Variants in STK3 observed in about 807,000 individuals in gnomAD.
STK3 encodes serine/threonine-protein kinase 3.
In STK3, 41 loss-of-function variants were observed where a neutral mutation model predicts 58.0. The ratio of observed to expected loss-of-function variants is 0.71; its 90% CI spans 0.55 to 0.92. The LOEUF (loss-of-function observed/expected upper bound fraction) is 0.92, where lower values mean the gene tolerates loss of function less well. Ranked by LOEUF, STK3 falls within the 40% of genes least tolerant of loss-of-function variation. The pLI is 0.00. For synonymous variants in STK3, 170 were observed against 191.0 expected, an observed-to-expected ratio of 0.89 and a Z score of 0.91; for missense variants, 479 against 602.7, an observed-to-expected ratio of 0.79 and a Z score of 2.15.
At chr8:98,713,057 G>A (rs1172804261) in intron 4 of STK3, among the ~76,000 whole-genome samples, 3 of 152,106 alleles carry the variant, frequency 2.0e-5, no homozygotes, top group African/African-American at 7.2e-5. Context: ...CGAAATGAAG[G>A]CAGAAATAAA....
intron 1 of STK3, among the ~76,000 whole-genome samples, chr8:98,442,510 T>C (rs995618017): frequency 2.0e-5 from 3 of 152,262 alleles, no homozygotes; most frequent in African/African-American, 7.2e-5. Flanking sequence ...TTTTACATTA[T>C]GGTTTTAGGG....
At chr8:98,682,499 T>C (rs1823710272) in intron 6 of STK3, among the ~76,000 whole-genome samples, 1 of 152,174 alleles carries the variant, frequency 6.6e-6, no homozygotes, top group African/African-American at 2.4e-5. Context: ...CGCTAATCAT[T>C]TATTTCTTAC....
At chr8:98,913,039 C>T (rs1839212253) in intron 1 of STK3, among the ~76,000 whole-genome samples, 1 of 151,854 alleles carries the variant, frequency 6.6e-6, no homozygotes, top group African/African-American at 2.4e-5. Flanking sequence ...TCCCAAATAT[C>T]TGGGATTACA....
At chr8:98,483,385 A>AT (rs916840644) in intron 10 of STK3, among the ~76,000 whole-genome samples, 1 of 152,194 alleles carries the variant, frequency 6.6e-6, no homozygotes, top group African/African-American at 2.4e-5. Context: ...GAGAAAATTG[A>AT]TTTTTTACAC....
chr8:98,791,685 T>A (rs777377463), intron 1 of STK3, among the ~76,000 whole-genome samples: 1 of 152,108 alleles, frequency 6.6e-6, no homozygotes, highest in Non-Finnish European at 1.5e-5. Flanking sequence ...CCAACTGATA[T>A]TCGACAAAGC....
intron 3 of STK3, among the ~76,000 whole-genome samples, chr8:98,764,030 T>A (rs1026952135): frequency 3.9e-5 from 6 of 152,226 alleles, no homozygotes; most frequent in South Asian, 2.1e-4. Context: ...TTTAACCAAC[T>A]AATTTTTTGA....
At chr8:98,715,928 T>G (rs1587402131) in intron 4 of STK3, among the ~76,000 whole-genome samples, 1 of 152,264 alleles carries the variant, frequency 6.6e-6, no homozygotes, top group Admixed American at 6.5e-5. Flanking sequence ...GTGGCGCATA[T>G]ACACCATGGA....
At chr8:98,871,962 T>C (rs1228483868) in intron 3 of STK3, among the ~76,000 whole-genome samples, 1 of 152,244 alleles carries the variant, frequency 6.6e-6, no homozygotes, top group African/African-American at 2.4e-5. Flanking sequence ...CCATTCAGTA[T>C]GATATTGGCT....
chr8:98,397,547 G>C (rs1817906951), downstream of STK3, among the ~76,000 whole-genome samples: 1 of 152,092 alleles, frequency 6.6e-6, no homozygotes, highest in Non-Finnish European at 1.5e-5. Flanking sequence ...AAAAAGACAA[G>C]AAAGAAAAGG....
At chr8:98,741,307 A>G (rs567154535) in intron 4 of STK3, among the ~76,000 whole-genome samples, 63 of 152,274 alleles carry the variant, frequency 4.1e-4, no homozygotes, top group African/African-American at 1.5e-3. Context: ...TTTCAGCACC[A>G]CACCACACCT....
chr8:98,597,459 C>T, intron 6 of STK3: 1 of 985,152 alleles, frequency 1.0e-6, no homozygotes, highest in Middle Eastern at 5.2e-4. Context: ...GCAGTGTAGC[C>T]AGTATTACAA....
intron 10 of STK3, among the ~76,000 whole-genome samples, chr8:98,490,277 T>C (rs969207473): frequency 3.3e-5 from 5 of 152,250 alleles, no homozygotes; most frequent in African/African-American, 9.6e-5. Flanking sequence ...ATAATGCTCA[T>C]AAGTGTTAGT....
Position 98,505,724 on chromosome 8 carries a change from G to C in STK3, c.1317+21018C>G, listed in dbSNP as rs1162337929. On this transcript the variant is annotated intron_variant, in intron 10 of 10. Coordinates refer to ENST00000419617, the MANE Select transcript of STK3 (RefSeq NM_006281.4). ...GTTTGCCTGGGTATCACCAGTGGAG[G>C]CTGCAGAACAGCAAATATTGCTGCC... 2.6e-5 allele frequency among the ~76,000 whole-genome samples: 4 copies of C among 152,134 alleles called. No individual in the cohort carries two copies. In the East Asian group the frequency reaches 7.7e-4, roughly 29 times the overall value.
At chr8:98,566,188 T>A (rs900306037) in intron 8 of STK3, among the ~76,000 whole-genome samples, 32 of 152,154 alleles carry the variant, frequency 2.1e-4, no homozygotes, top group African/African-American at 6.8e-4. Flanking sequence ...ATACTTTTCT[T>A]GAATAAAAAA....
intron 1 of STK3, among the ~76,000 whole-genome samples, chr8:98,797,422 A>T (rs1171551479): frequency 6.6e-6 from 1 of 152,180 alleles, no homozygotes; most frequent in Admixed American, 6.5e-5. Flanking sequence ...TTTTAAACTC[A>T]ATCCTCCCCA....
intron 2 of STK3, among the ~76,000 whole-genome samples, chr8:98,372,507 T>C (rs934153420): frequency 1.3e-5 from 2 of 149,754 alleles, no homozygotes; most frequent in African/African-American, 2.5e-5. Context: ...TTATTTTTCC[T>C]AGGCTTTTCT....
chr8:98,598,012 C>T, intron 6 of STK3: 6 of 985,364 alleles, frequency 6.1e-6, no homozygotes, highest in Non-Finnish European at 7.2e-6. Flanking sequence ...CCACCTGCTA[C>T]TTCCAACTAG....
At chr8:98,660,111 T>C (rs1438089012) in intron 6 of STK3, among the ~76,000 whole-genome samples, 1 of 152,046 alleles carries the variant, frequency 6.6e-6, no homozygotes, top group Non-Finnish European at 1.5e-5. Flanking sequence ...GAAAATCACA[T>C]GCTAAATACA....
chr8:98,940,573 C>A (rs1029385233), intron 1 of STK3, among the ~76,000 whole-genome samples: 1 of 152,074 alleles, frequency 6.6e-6, no homozygotes, highest in Non-Finnish European at 1.5e-5. Flanking sequence ...CAGTGAGGAA[C>A]GACCCTCAGC....
Sources: allele counts gnomAD v4.1 joint callset (sites outside exome capture counted in the v4.1 genomes callset), GRCh38; gene constraint gnomAD v4.1.1; transcripts MANE v1.5; gene names NCBI Gene and HGNC (gene_info 2026-07-23, HGNC 2026-07-21).